The following DDX50 variants were observed in gnomAD, a reference collection of about 807,000 sequenced individuals.
The protein encoded by DDX50 is ATP-dependent RNA helicase DDX50.
In DDX50, 56 loss-of-function variants were observed where a neutral mutation model predicts 94.8. The observed-to-expected ratio is 0.59, with a 90% CI of 0.48 to 0.74. DDX50 has a LOEUF of 0.74. Ranked by LOEUF, DDX50 falls within the 30% of genes least tolerant of loss-of-function variation. The pLI is 0.00. For synonymous variants in DDX50, 264 were observed against 295.4 expected (o/e 0.89, Z 1.09); for missense variants, 713 against 881.2 (o/e 0.81, Z 2.42).
Position 68,934,372 on chromosome 10 carries a change from G to A in DDX50, c.1401+12G>A. 6.2e-7 allele frequency: 1 copy of A among 1,611,620 alleles called. No individual in the cohort carries two copies. Among genetic ancestry groups the A allele is most frequent in the Non-Finnish European group, 8.5e-7 (1 of 1,179,382 alleles). On this transcript the variant is annotated intron_variant, in intron 9 of 14. Transcript: ENST00000373585. The surrounding 1 kb of genome is among the most constrained non-coding windows in gnomAD (Gnocchi z 4.0). ...GTTCTCCTCCTCAGGTAGGAAATGGGATTTGATTTGGGAAAAATAAGAGCA... is the reference window on the plus strand; with the variant it reads ...GTTCTCCTCCTCAGGTAGGAAATGGAATTTGATTTGGGAAAAATAAGAGCA...
intron 1 of DDX50, among the ~76,000 whole-genome samples, chr10:68,904,751 A>G (rs1239242587): frequency 6.6e-6 from 1 of 152,246 alleles, no homozygotes; most frequent in Admixed American, 6.5e-5. Context: ...TTCAAGCCCC[A>G]AGGCTGAATC....
intron 8 of DDX50, among the ~76,000 whole-genome samples, chr10:68,929,382 CTTCCT>C (rs1842188319): frequency 7.0e-6 from 1 of 142,418 alleles, no homozygotes; most frequent in African/African-American, 2.6e-5. Flanking sequence ...CCTTTCTTTC[CTTCCT>C]TTCCTTTCTT....
rs67773821 is a variant in DDX50, at chr10:68,926,774, T to TACACAC, written c.1239+6822_1239+6827dup. On this transcript the variant is annotated intron_variant, in intron 8 of 14. Coordinates refer to ENST00000373585, the MANE Select transcript of DDX50 (RefSeq NM_024045.2). ...ACAGTCTCTGTGTCTCACACAGAGA[T>TACACAC]ACACACACACACACACACACACACA... Among the ~76,000 whole-genome samples, 625 of 140,404 alleles carry TACACAC rather than the reference T, an allele frequency of 4.5e-3. 8 individuals are homozygous for TACACAC. The highest frequency in any genetic ancestry group is 0.013 in the African/African-American group (509 of 38,488). The allele number at this position is 140,404 out of a possible 152,430, so 92.1% of individuals were successfully genotyped here.
chr10:68,906,946 C>A lies in DDX50; in HGVS notation c.323C>A (p.Ser108Ter). ...GATATAGATGAATATGAAAAAAAAT[C>A]AAAGCGAGTATCATCTTTAGATACT... is the stretch of plus-strand genomic sequence containing the variant. ...NGDIDEYEKK[S>*]KRVSSLDTST... is the part of the protein sequence containing the mutation. The change falls in exon 2 of 15, where the codon TCA becomes TAA. Residue 108 changes from serine to a stop codon, truncating the protein, a stop_gained. Coordinates refer to ENST00000373585, the MANE Select transcript of DDX50 (RefSeq NM_024045.2). LOFTEE classifies it high-confidence loss of function. 1.2e-6 allele frequency: 2 copies of A among 1,600,134 alleles called. No individual in the cohort carries two copies. Among genetic ancestry groups the A allele is most frequent in the South Asian group, 2.3e-5 (2 of 87,036 alleles).
intron 8 of DDX50, among the ~76,000 whole-genome samples, chr10:68,931,392 A>AAAAT (rs1256416800): frequency 0.11 from 9,300 of 85,174 alleles, 804 homozygotes; most frequent in East Asian, 0.45. Context: ...TAAAAAAAAA[A>AAAAT]ATATATATAT....
At chr10:68,912,976 G>C (rs935959344) in intron 4 of DDX50, among the ~76,000 whole-genome samples, 186 bp from the exon 5 acceptor site, 1 of 152,206 alleles carries the variant, frequency 6.6e-6, no homozygotes, top group African/African-American at 2.4e-5. Context: ...AGACCTGAAG[G>C]AAGTAAGGGG....
chr10:68,946,658 A>T lies in DDX50; in HGVS notation c.*28A>T. On this transcript the variant is annotated 3_prime_UTR_variant, in exon 15 of 15. Coordinates refer to ENST00000373585, the MANE Select transcript of DDX50 (RefSeq NM_024045.2). ...ATTTGATAGTTAATCTACCAGTGTGAGCTTGCCTATTTCTGCCTAATCATG... is the reference window on the plus strand; with the variant it reads ...ATTTGATAGTTAATCTACCAGTGTGTGCTTGCCTATTTCTGCCTAATCATG... 6.3e-7 allele frequency: 1 copy of T among 1,597,154 alleles called. No homozygotes were observed. Among genetic ancestry groups the T allele is most frequent in the Non-Finnish European group, 8.6e-7 (1 of 1,169,514 alleles).
Position 68,906,749 on chromosome 10 carries a change from T to C in DDX50, c.126T>C (p.Asp42=). The stretch of plus-strand genomic sequence containing the variant: ...AGTCAAGGCACCATTATGACTCGGA[T>C]GAGAAATCAGAAACAAGAGAAAATG... The part of the protein sequence containing the change: ...RRKSRHHYDS[D]EKSETRENGV... Residue 42 remains aspartate (D), a synonymous_variant, in exon 2 of 15, where the codon GAT becomes GAC. Transcript: ENST00000373585. The C allele has an allele frequency of 6.2e-7, 1 of 1,612,020 alleles. No individual in the cohort carries two copies. The highest frequency in any genetic ancestry group is 8.5e-7 in the Non-Finnish European group (1 of 1,179,534).
At chr10:68,920,279 A>G (rs552047039) in intron 8 of DDX50, among the ~76,000 whole-genome samples, 11 of 151,520 alleles carry the variant, frequency 7.3e-5, no homozygotes, top group African/African-American at 2.2e-4. Context: ...CTCCCACCCC[A>G]GCCTCTTGAG....
Position 68,911,207 on chromosome 10 carries a change from A to G in DDX50, c.600A>G (p.Gln200=), listed in dbSNP as rs759894923. 1.2e-6 allele frequency: 2 copies of G among 1,605,590 alleles called. No homozygotes were observed. Among genetic ancestry groups the G allele is most frequent in the Non-Finnish European group, 8.5e-7 (1 of 1,177,756 alleles). Residue 200 remains glutamine (Q), a synonymous_variant, in exon 4 of 15, where the codon CAA becomes CAG. Coordinates refer to ENST00000373585, the MANE Select transcript of DDX50 (RefSeq NM_024045.2). ...SFAIPLIERL[Q]RNQETIKKSR... ...CCATCCCCTTAATTGAAAGACTCCA[A>G]AGAAATCAAGAAACAATTAAAAAAA...
intron 14 of DDX50, among the ~76,000 whole-genome samples, chr10:68,945,077 A>G (rs1219765062): frequency 3.3e-5 from 5 of 152,166 alleles, no homozygotes; most frequent in African/African-American, 9.7e-5. Context: ...ATAATTTACT[A>G]TTATTAGGAC....
At chr10:68,927,408 A>G (rs1344094896) in intron 8 of DDX50, among the ~76,000 whole-genome samples, 1 of 152,020 alleles carries the variant, frequency 6.6e-6, no homozygotes, top group African/African-American at 2.4e-5. Context: ...ATTCTTGTCT[A>G]TACTTTAAAT....
chr10:68,923,510 T>A (rs2132040532), intron 8 of DDX50, among the ~76,000 whole-genome samples: 1 of 151,566 alleles, frequency 6.6e-6, no homozygotes, highest in South Asian at 2.1e-4. Context: ...CCAGCCAATA[T>A]ATGATATATA....
chr10:68,915,878 G>A (rs75912602), intron 7 of DDX50, among the ~76,000 whole-genome samples: 11,010 of 152,116 alleles, frequency 0.072, 524 homozygotes, highest in African/African-American at 0.13. Flanking sequence ...GTAATGCAGT[G>A]GTTAAAAACA....
intron 1 of DDX50, among the ~76,000 whole-genome samples, chr10:68,904,683 G>A (rs1311638218): frequency 6.6e-6 from 1 of 152,208 alleles, no homozygotes; most frequent in East Asian, 1.9e-4. Context: ...GGCTTAGACC[G>A]AGAGGTCTCC....
At chr10:68,944,091 T>C (rs1842609754) in intron 14 of DDX50, among the ~76,000 whole-genome samples, 1 of 152,208 alleles carries the variant, frequency 6.6e-6, no homozygotes, top group Admixed American at 6.5e-5. Flanking sequence ...TGCATATTTC[T>C]AAATATTAAT....
chr10:68,933,194 A>G (rs1182248124), intron 8 of DDX50, among the ~76,000 whole-genome samples: 1 of 151,642 alleles, frequency 6.6e-6, no homozygotes, highest in Non-Finnish European at 1.5e-5. Context: ...TCAGCCTCCC[A>G]AGTAGCTGGA....
chr10:68,915,017 T>C (rs1841741843), intron 7 of DDX50, among the ~76,000 whole-genome samples: 1 of 89,786 alleles, frequency 1.1e-5, no homozygotes. Context: ...GGAGACCCTG[T>C]CTCAAAAAAA....
At chr10:68,920,308 C>T (rs1011603617) in intron 8 of DDX50, among the ~76,000 whole-genome samples, 2 of 151,730 alleles carry the variant, frequency 1.3e-5, no homozygotes, top group East Asian at 1.9e-4. Flanking sequence ...ACTACAGGTG[C>T]GTGCCACAAT....
Sources: gnomAD v4.1 joint callset for allele counts (sites outside exome capture counted in the v4.1 genomes callset) on GRCh38, gnomAD v4.1.1 for gene constraint, Gnocchi (gnomAD v3.1) non-coding constraint, MANE v1.5 for transcripts, NCBI Gene and HGNC (gene_info 2026-07-23, HGNC 2026-07-21) for gene names.